OSBP2: variants seen among roughly 807,000 people sequenced by gnomAD.
OSBP2 encodes oxysterol-binding protein 2.
OSBP2 carries 66 observed loss-of-function variants against 96.0 expected under a neutral mutation model. The observed-to-expected ratio is 0.69, with a 90% CI of 0.56 to 0.84. The LOEUF (loss-of-function observed/expected upper bound fraction) is 0.84, where lower values mean the gene tolerates loss of function less well. Among genes scored for constraint, OSBP2 ranks in the 40% least tolerant of loss-of-function variants. OSBP2 has a pLI of 0.00. For missense variants in OSBP2, 1,038 were observed against 1,222.7 expected, an observed-to-expected ratio of 0.85 and a Z score of 2.25; for synonymous variants, 525 against 520.9, an observed-to-expected ratio of 1.01 and a Z score of -0.11.
At chr22:30,719,109 C>T (rs551326657) in intron 1 of OSBP2, among the ~76,000 whole-genome samples, 6 of 152,184 alleles carry the variant, frequency 3.9e-5, no homozygotes, top group African/African-American at 7.2e-5. Flanking sequence ...AGCTGATTCC[C>T]GCTGTGCCTT....
chr22:30,769,408 C>T lies in OSBP2; in HGVS notation c.853+28039C>T, dbSNP rs565664217. On this transcript the variant is annotated intron_variant, in intron 2 of 13. Transcript: ENST00000332585. ...CTCACATCTGTATTCCCAGCACTTT[C>T]GGAGGCTAAGAAGAGCAGATCACTG... Among the ~76,000 whole-genome samples, 19 of 152,240 alleles carry T rather than the reference C, an allele frequency of 1.2e-4. No individual in the cohort carries two copies. In the East Asian group the frequency reaches 1.7e-3, roughly 14 times the overall value.
At chr22:30,801,510 A>G (rs568710891) in intron 2 of OSBP2, among the ~76,000 whole-genome samples, 1 of 152,280 alleles carries the variant, frequency 6.6e-6, no homozygotes, top group Non-Finnish European at 1.5e-5. Flanking sequence ...TGGTCAGTGA[A>G]TGTTTGAGCA....
intron 2 of OSBP2, among the ~76,000 whole-genome samples, chr22:30,847,217 ATCT>A (rs1602350867): frequency 6.6e-6 from 1 of 150,520 alleles, no homozygotes; most frequent in Non-Finnish European, 1.5e-5. Flanking sequence ...AACTCAGGTG[ATCT>A]TCTTACCTCG....
chr22:30,845,959 C>T (rs1282068733), intron 2 of OSBP2, among the ~76,000 whole-genome samples: 1 of 151,058 alleles, frequency 6.6e-6, no homozygotes, highest in Admixed American at 6.6e-5. Flanking sequence ...ATCCATTCAT[C>T]AGTTGATGGA....
chr22:30,855,936 G>T (rs1344337035), intron 2 of OSBP2, among the ~76,000 whole-genome samples: 1 of 152,220 alleles, frequency 6.6e-6, no homozygotes, highest in African/African-American at 2.4e-5. Context: ...GCATTGTTGG[G>T]TATGTCCAGG....
chr22:30,716,646 C>T (rs2089461278), intron 1 of OSBP2, among the ~76,000 whole-genome samples: 2 of 152,030 alleles, frequency 1.3e-5, no homozygotes, highest in South Asian at 4.1e-4. Flanking sequence ...CCATGTTGGC[C>T]AGGCTGGTCT....
At chr22:30,744,809 A>G (rs142030155) in intron 2 of OSBP2, among the ~76,000 whole-genome samples, 3 of 152,304 alleles carry the variant, frequency 2.0e-5, no homozygotes, top group Non-Finnish European at 2.9e-5. Flanking sequence ...CTTAGGTGCT[A>G]TAAACCAACT....
chr22:30,874,845 G>A (rs2039544092), intron 3 of OSBP2, among the ~76,000 whole-genome samples: 5 of 152,210 alleles, frequency 3.3e-5, no homozygotes, highest in African/African-American at 1.2e-4. Flanking sequence ...ACATCACCAT[G>A]GCTTTCCAAG....
At chr22:30,884,082 G>C (rs1392941702) in intron 3 of OSBP2, among the ~76,000 whole-genome samples, 1 of 152,190 alleles carries the variant, frequency 6.6e-6, no homozygotes, top group East Asian at 1.9e-4. Flanking sequence ...ATGATGGACA[G>C]TGACTGCAGT....
intron 2 of OSBP2, among the ~76,000 whole-genome samples, chr22:30,760,539 G>A (rs2090193908): frequency 6.6e-6 from 1 of 152,132 alleles, no homozygotes; most frequent in Non-Finnish European, 1.5e-5. Context: ...AATGGGGCTG[G>A]GGGCAGTGGC....
At chr22:30,824,290 G>A (rs541396708) in intron 2 of OSBP2, among the ~76,000 whole-genome samples, 50 of 152,314 alleles carry the variant, frequency 3.3e-4, no homozygotes, top group Non-Finnish European at 5.6e-4. Context: ...GGTGGGCACT[G>A]TGCTTAGAAC....
chr22:30,860,676 TG>T (rs1240569541), intron 2 of OSBP2, among the ~76,000 whole-genome samples: 1 of 151,900 alleles, frequency 6.6e-6, no homozygotes, highest in Non-Finnish European at 1.5e-5. Flanking sequence ...ACAGGGTGAG[TG>T]AGTGAGCCCA....
intron 12 of OSBP2, chr22:30,902,928 C>T: frequency 4.3e-6 from 1 of 235,098 alleles, no homozygotes; most frequent in Non-Finnish European, 9.0e-6. Context: ...GAGTGCATGC[C>T]AGCTGTCAAC....
rs1364053732 is a variant in OSBP2 at position 30,822,466 on chromosome 22, G to C, written c.854-47963G>C. 6 of 1,199,516 alleles carry C rather than the reference G, an allele frequency of 5.0e-6. No individual in the cohort carries two copies. In the African/African-American group the frequency reaches 8.2e-5, roughly 16 times the overall value. 74.3% of individuals were successfully genotyped at this position (1,199,516 alleles called of 1,614,324 possible). A position where few individuals can be genotyped will look rare whatever the true frequency, so the allele number is the denominator to read the frequency against. ...GACGGGGTTAACGCGCTCATGTACC[G>C]GGTGGCGGGCGGCAGTGGTGCATTG... On this transcript the variant is annotated intron_variant, in intron 2 of 13. Coordinates refer to ENST00000332585, the MANE Select transcript of OSBP2 (RefSeq NM_030758.4).
In OSBP2 at chr22:30,714,194, C is replaced by T. The variant is rs979581032; in HGVS notation, c.644+18641C>T. ...TTCATGCTTGGCTTGTTTTACTTAA[C>T]ATAATGTTCTCTGGGCTCATGCATG... On this transcript the variant is annotated intron_variant, in intron 1 of 13. Coordinates refer to ENST00000332585, the MANE Select transcript of OSBP2 (RefSeq NM_030758.4). 2.0e-5 allele frequency among the ~76,000 whole-genome samples: 3 copies of T among 152,144 alleles called. No homozygotes were observed. In the East Asian group the frequency reaches 5.8e-4, roughly 29 times the overall value.
chr22:30,706,209 C>T (rs1220839732), intron 1 of OSBP2, among the ~76,000 whole-genome samples: 1 of 152,144 alleles, frequency 6.6e-6, no homozygotes, highest in Non-Finnish European at 1.5e-5. Flanking sequence ...TGTCACCACA[C>T]GGAGATGTGG....
chr22:30,805,248 A>G (rs1267260823), intron 2 of OSBP2, among the ~76,000 whole-genome samples: 1 of 152,254 alleles, frequency 6.6e-6, no homozygotes, highest in Non-Finnish European at 1.5e-5. Flanking sequence ...AAATATGAAC[A>G]CTATTTCTGT....
At chr22:30,767,790 C>A (rs2090294689) in intron 2 of OSBP2, among the ~76,000 whole-genome samples, 1 of 152,060 alleles carries the variant, frequency 6.6e-6, no homozygotes, top group South Asian at 2.1e-4. Flanking sequence ...GGAGAGGATC[C>A]GGGCCCTTCT....
intron 1 of OSBP2, among the ~76,000 whole-genome samples, chr22:30,727,599 C>T (rs1418616669): frequency 2.0e-5 from 3 of 152,096 alleles, no homozygotes; most frequent in Non-Finnish European, 4.4e-5. Flanking sequence ...CATGTTGATG[C>T]CACCTGGGCA....
Sources: allele counts gnomAD v4.1 joint callset (sites outside exome capture counted in the v4.1 genomes callset), GRCh38; gene constraint gnomAD v4.1.1; transcripts MANE v1.5; gene names NCBI Gene and HGNC (gene_info 2026-07-23, HGNC 2026-07-21).